MINDY3: variants seen among roughly 807,000 people sequenced by gnomAD.
MINDY3 encodes the protein ubiquitin carboxyl-terminal hydrolase MINDY-3.
MINDY3 carries 38 observed loss-of-function variants against 69.2 expected under a neutral mutation model. That is an observed-to-expected ratio of 0.55 (90% CI 0.42 to 0.72). The LOEUF is 0.72. Ranked by LOEUF, MINDY3 falls within the 30% of genes least tolerant of loss-of-function variation. MINDY3 has a pLI of 0.00. For synonymous variants in MINDY3, 192 were observed against 180.1 expected (o/e 1.07, Z -0.53); for missense variants, 522 against 519.0 (o/e 1.01, Z -0.06).
At chr10:15,852,000 C>T (rs980604624) in intron 1 of MINDY3, among the ~76,000 whole-genome samples, 10 of 152,228 alleles carry the variant, frequency 6.6e-5, no homozygotes, top group Non-Finnish European at 1.3e-4. Flanking sequence ...TAAAAATGCT[C>T]TTTCCGCTAC....
intron 10 of MINDY3, among the ~76,000 whole-genome samples, chr10:15,815,625 AT>A (rs1351919018): frequency 1.3e-5 from 2 of 152,220 alleles, no homozygotes; most frequent in East Asian, 3.9e-4. Context: ...GTTACCTATG[AT>A]CCCAGAGATG....
At chr10:15,809,088 T>A (rs1030396920) in intron 10 of MINDY3, among the ~76,000 whole-genome samples, 1 of 152,180 alleles carries the variant, frequency 6.6e-6, no homozygotes, top group Non-Finnish European at 1.5e-5. Context: ...TCCTAATTAG[T>A]TCCCAATTCG....
In MINDY3 at chr10:15,855,840, T is replaced by C. The variant is rs77713269; in HGVS notation, c.94+4366A>G. On this transcript the variant is annotated intron_variant, in intron 1 of 14. Transcript: ENST00000277632. The stretch of plus-strand genomic sequence containing the variant: ...TGTTCTTTCCTATCTTTCAGGGTTG[T>C]TGCAAAGATTAGGTAAGATTTTCAT... Among the ~76,000 whole-genome samples the C allele has an allele frequency of 4.2e-3, 633 of 152,216 alleles. 7 individuals carry two copies. The highest frequency in any genetic ancestry group is 0.015 in the African/African-American group (604 of 41,524).
At chr10:15,810,889 C>A (rs1355886208) in intron 10 of MINDY3, among the ~76,000 whole-genome samples, 1 of 152,058 alleles carries the variant, frequency 6.6e-6, no homozygotes, top group Non-Finnish European at 1.5e-5. Flanking sequence ...GGCGAAGGAC[C>A]TGAACAGACG....
At chr10:15,781,077 T>C (rs1276742701) in intron 14 of MINDY3, among the ~76,000 whole-genome samples, 1 of 152,164 alleles carries the variant, frequency 6.6e-6, no homozygotes, top group African/African-American at 2.4e-5. Flanking sequence ...AAACTCTAGA[T>C]GAAGCACTCA....
In MINDY3 at chr10:15,797,155, G is replaced by A. The variant is rs149333999; in HGVS notation, c.883-983C>T. Among the ~76,000 whole-genome samples the A allele has an allele frequency of 2.8e-4, 42 of 152,094 alleles. No individual in the cohort carries two copies. The East Asian group carries it at 7.4e-3, about 27-fold the overall frequency. ...TATCTCACCTTTACTCTGTTCACAG[G>A]TGAAGAAACTAAGAATCAGAGGAGT... On this transcript the variant is annotated intron_variant, in intron 10 of 14. Coordinates refer to ENST00000277632, the MANE Select transcript of MINDY3 (RefSeq NM_024948.4).
chr10:15,852,690 T>C (rs1199632218), intron 1 of MINDY3, among the ~76,000 whole-genome samples: 3 of 152,138 alleles, frequency 2.0e-5, no homozygotes, highest in Admixed American at 2.0e-4. Context: ...AATATAAATT[T>C]ACAGCACTAG....
intron 2 of MINDY3, among the ~76,000 whole-genome samples, chr10:15,847,242 A>G (rs948007949): frequency 6.6e-6 from 1 of 152,232 alleles, no homozygotes; most frequent in Non-Finnish European, 1.5e-5. Flanking sequence ...TTTATAGCGA[A>G]TCAGCCTTTG....
intron 4 of MINDY3, 139 bp downstream of exon 4, chr10:15,841,283 TAGTG>T (rs1195561850): frequency 3.4e-5 from 22 of 642,072 alleles, no homozygotes; most frequent in Non-Finnish European, 5.3e-5. Context: ...AAATAAAAAA[TAGTG>T]AGGCTCAGTA....
intron 10 of MINDY3, among the ~76,000 whole-genome samples, chr10:15,802,813 A>G (rs1396199929): frequency 6.6e-6 from 1 of 152,024 alleles, no homozygotes; most frequent in African/African-American, 2.4e-5. Context: ...TGAACAATAA[A>G]AAAAAAAAAA....
At chr10:15,780,343 C>G (rs1212534788) in intron 14 of MINDY3, among the ~76,000 whole-genome samples, 3 of 152,146 alleles carry the variant, frequency 2.0e-5, no homozygotes, top group Non-Finnish European at 4.4e-5. Context: ...ATATTAGTTT[C>G]TAGTGTTGAT....
chr10:15,852,530 G>A (rs527953463), intron 1 of MINDY3, among the ~76,000 whole-genome samples: 28 of 152,222 alleles, frequency 1.8e-4, no homozygotes, highest in African/African-American at 6.7e-4. Context: ...AAAGGAGACT[G>A]ATAAACATTA....
intron 1 of MINDY3, 99 bp downstream of exon 1, chr10:15,860,107 A>G: frequency 2.3e-6 from 2 of 876,266 alleles, no homozygotes; most frequent in Non-Finnish European, 3.7e-6. Flanking sequence ...TGGGGCAGAG[A>G]GCGGGGCACG....
At chr10:15,797,737 T>A (rs993003035) in intron 10 of MINDY3, among the ~76,000 whole-genome samples, 2 of 152,168 alleles carry the variant, frequency 1.3e-5, no homozygotes, top group Admixed American at 6.5e-5. Context: ...AGCTCTATAA[T>A]TAACTCTTAT....
Position 15,822,702 on chromosome 10 carries a change from C to T in MINDY3, c.731-976G>A, listed in dbSNP as rs117094573. 6.0e-3 allele frequency among the ~76,000 whole-genome samples: 917 copies of T among 151,976 alleles called. 18 individuals carry two copies. Among genetic ancestry groups the T allele is most frequent in the East Asian group, 0.045 (233 of 5,168 alleles). On this transcript the variant is annotated intron_variant, in intron 8 of 14. Transcript: ENST00000277632. ...CTCTAGCTAGAGAGGGATAAATAGC[C>T]GGAAGTAAGGCTCAGGAATACAGGA...
intron 8 of MINDY3, among the ~76,000 whole-genome samples, chr10:15,822,506 G>A (rs182305869): frequency 6.6e-6 from 1 of 152,242 alleles, no homozygotes; most frequent in Admixed American, 6.5e-5. Flanking sequence ...ATGAAAAATC[G>A]ATGCATTTAA....
intron 13 of MINDY3, among the ~76,000 whole-genome samples, chr10:15,783,153 T>C (rs111992277): frequency 0.013 from 2,009 of 152,288 alleles, 39 homozygotes; most frequent in African/African-American, 0.044. Flanking sequence ...GTAGCCACTT[T>C]AGAGACAGGG....
intron 12 of MINDY3, among the ~76,000 whole-genome samples, chr10:15,787,325 A>G (rs1837047647): frequency 6.6e-6 from 1 of 151,910 alleles, no homozygotes; most frequent in African/African-American, 2.4e-5. Context: ...GAAAGAAGGA[A>G]GAAGAAGGCA....
At chr10:15,797,349 T>C (rs749605867) in intron 10 of MINDY3, among the ~76,000 whole-genome samples, 4 of 152,164 alleles carry the variant, frequency 2.6e-5, no homozygotes, top group Non-Finnish European at 5.9e-5. Flanking sequence ...TGTAAAATTT[T>C]GTAATGCACA....
Sources: gnomAD v4.1 joint callset for allele counts (sites outside exome capture counted in the v4.1 genomes callset) on GRCh38, gnomAD v4.1.1 for gene constraint, MANE v1.5 for transcripts, NCBI Gene and HGNC (gene_info 2026-07-23, HGNC 2026-07-21) for gene names.